C4orf17: variants seen among roughly 807,000 people sequenced by gnomAD.
The protein encoded by C4orf17 is chromosome 4 open reading frame 17.
Under a neutral mutation model 32.0 loss-of-function variants are expected in C4orf17, and 25 were observed. That is an observed-to-expected ratio of 0.78 (90% CI 0.57 to 1.09). The LOEUF is 1.09. Ranked by LOEUF, C4orf17 falls within the 50% of genes least tolerant of loss-of-function variation. C4orf17 has a pLI of 0.00. For missense variants in C4orf17, 420 were observed against 420.0 expected (o/e 1.00, Z 0.00); for synonymous variants, 149 against 145.8 (o/e 1.02, Z -0.16).
At chr4:99,522,387 T>G (rs948972710) in intron 2 of C4orf17, 113 bp from the exon 3 acceptor site, 1 of 825,282 alleles carries the variant, frequency 1.2e-6, no homozygotes, top group African/African-American at 1.7e-5. Context: ...TTCAACATTT[T>G]ACATACATTT....
intron 5 of C4orf17, among the ~76,000 whole-genome samples, chr4:99,535,469 G>A (rs1388873721): frequency 1.3e-5 from 2 of 151,912 alleles, no homozygotes; most frequent in African/African-American, 4.8e-5. Flanking sequence ...TTGTCTGCCT[G>A]TCTTATTTCA....
intron 5 of C4orf17, among the ~76,000 whole-genome samples, chr4:99,532,335 T>C (rs1191390240): frequency 1.3e-5 from 2 of 152,092 alleles, no homozygotes; most frequent in Non-Finnish European, 2.9e-5. Flanking sequence ...ATAAAGAAAA[T>C]GTGGTACATA....
chr4:99,515,165 ATGGGTGC>A (rs1342516808), intron 2 of C4orf17, among the ~76,000 whole-genome samples: 11 of 152,178 alleles, frequency 7.2e-5, no homozygotes, highest in Non-Finnish European at 1.6e-4. Context: ...TGCTTGGGTG[ATGGGTGC>A]ACCAAAATTT....
At chr4:99,518,548 G>T (rs35873452) in intron 2 of C4orf17, among the ~76,000 whole-genome samples, 6,822 of 44,876 alleles carry the variant, frequency 0.15, 282 homozygotes, top group Non-Finnish European at 0.18. Context: ...TATATATAGA[G>T]AGAGAGAGAG....
intron 5 of C4orf17, among the ~76,000 whole-genome samples, chr4:99,536,774 CA>C (rs1276331656): frequency 2.6e-5 from 4 of 152,106 alleles, no homozygotes; most frequent in Non-Finnish European, 5.9e-5. Context: ...ATAAATTCAC[CA>C]AAAGTATGTT....
chr4:99,517,109 C>A (rs545021494), intron 2 of C4orf17, among the ~76,000 whole-genome samples: 19 of 152,208 alleles, frequency 1.2e-4, no homozygotes, highest in Non-Finnish European at 2.5e-4. Context: ...TTGCTCCTCT[C>A]CTAGTGGCAA....
At chr4:99,512,933 A>T (rs1723119920) in intron 1 of C4orf17, 56 bp from the exon 2 acceptor site, 5 of 716,312 alleles carry the variant, frequency 7.0e-6, no homozygotes, top group Non-Finnish European at 1.1e-5. Flanking sequence ...AATGTTTGAT[A>T]TATAAGAAAG....
intron 2 of C4orf17, 131 bp downstream of exon 2, chr4:99,513,339 G>A: frequency 8.9e-7 from 1 of 1,124,362 alleles, no homozygotes; most frequent in Non-Finnish European, 1.3e-6. Flanking sequence ...ATTGACTATT[G>A]GGACTAGATG....
intron 5 of C4orf17, 124 bp downstream of exon 5, chr4:99,530,082 T>G (rs910376188): frequency 1.4e-6 from 1 of 731,580 alleles, no homozygotes; most frequent in Non-Finnish European, 2.1e-6. Context: ...GATTTAAGAC[T>G]GCTTAGCCTG....
intron 5 of C4orf17, among the ~76,000 whole-genome samples, chr4:99,531,954 G>T (rs1447283121): frequency 6.6e-6 from 1 of 152,084 alleles, no homozygotes; most frequent in Non-Finnish European, 1.5e-5. Context: ...TGTGTGAAAA[G>T]GTATGCAGTT....
chr4:99,522,761 G>A, intron 3 of C4orf17, 52 bp downstream of exon 3: 1 of 1,425,354 alleles, frequency 7.0e-7, no homozygotes, highest in Non-Finnish European at 9.8e-7. Context: ...CTGCAAACAA[G>A]GCTGTGGGGA....
chr4:99,537,813 G>C, intron 6 of C4orf17, 63 bp downstream of exon 6: 1 of 1,149,510 alleles, frequency 8.7e-7, no homozygotes, highest in Non-Finnish European at 1.3e-6. Context: ...CTGGGAATAT[G>C]CCAATATCTG....
intron 5 of C4orf17, among the ~76,000 whole-genome samples, chr4:99,532,656 T>G (rs1166035444): frequency 6.6e-6 from 1 of 152,150 alleles, no homozygotes; most frequent in Admixed American, 6.6e-5. Context: ...ATTTGGTATA[T>G]CCACATAACA....
intron 3 of C4orf17, 29 bp from the exon 4 acceptor site, chr4:99,524,491 TA>T (rs1723353450): frequency 2.2e-6 from 3 of 1,377,750 alleles, no homozygotes; most frequent in Non-Finnish European, 3.1e-6. Context: ...CAGTTTAATC[TA>T]AATACATTTT....
At chr4:99,525,701 G>A (rs1187863726) in intron 4 of C4orf17, among the ~76,000 whole-genome samples, 1 of 152,118 alleles carries the variant, frequency 6.6e-6, no homozygotes, top group Non-Finnish European at 1.5e-5. Flanking sequence ...GGCTGAGGCA[G>A]GGGAATTGCT....
chr4:99,519,371 T>C (rs1191723774), intron 2 of C4orf17: 3 of 152,162 alleles, frequency 2.0e-5, no homozygotes, highest in Admixed American at 2.0e-4. Context: ...TCTAGGTAGG[T>C]GGTGGATGTA....
At chr4:99,540,883 C>T (rs1220121893) in intron 8 of C4orf17, 1 of 153,962 alleles carries the variant, frequency 6.5e-6, no homozygotes, top group Non-Finnish European at 1.4e-5. Flanking sequence ...AGGTGACCTA[C>T]AAGACAGCTG....
intron 2 of C4orf17, among the ~76,000 whole-genome samples, chr4:99,515,136 T>C (rs1321400312): frequency 6.6e-6 from 1 of 152,174 alleles, no homozygotes; most frequent in Admixed American, 6.5e-5. Flanking sequence ...AAGGACTACA[T>C]ACTGGGTTCA....
chr4:99,521,374 CAA>C (rs33958049), intron 2 of C4orf17, among the ~76,000 whole-genome samples: 1 of 136,820 alleles, frequency 7.3e-6, no homozygotes, highest in Non-Finnish European at 1.6e-5. Context: ...GACTATGTCT[CAA>C]AAAAAAAAAG....
Sources: gnomAD v4.1 joint callset for allele counts (sites outside exome capture counted in the v4.1 genomes callset) on GRCh38, gnomAD v4.1.1 for gene constraint, MANE v1.5 for transcripts, NCBI Gene and HGNC (gene_info 2026-07-23, HGNC 2026-07-21) for gene names.